TRAPPC9: variants seen among roughly 807,000 people sequenced by gnomAD.
The protein encoded by TRAPPC9 is IKK2 binding protein.
TRAPPC9 carries 83 observed loss-of-function variants against 124.0 expected under a neutral mutation model. The ratio of observed to expected loss-of-function variants is 0.67; its 90% CI spans 0.56 to 0.80. The LOEUF (loss-of-function observed/expected upper bound fraction) is 0.80. TRAPPC9 is among the 30% of genes least tolerant of loss of function. TRAPPC9 has a pLI of 0.00. For missense variants in TRAPPC9, 1,302 were observed against 1,508.3 expected, an observed-to-expected ratio of 0.86 and a Z score of 2.27; for synonymous variants, 638 against 617.5, an observed-to-expected ratio of 1.03 and a Z score of -0.49.
rs569052624 is a variant in TRAPPC9 at position 139,732,342 on chromosome 8, T to C, written c.3056-140A>G. ...ACCCACTCCCTGCCAGGCTGGACAC[T>C]GGGGACACAGATGTGTGACCAGTTC... On this transcript the variant is annotated intron_variant, in intron 21 of 22. Transcript: ENST00000438773. The C allele has an allele frequency of 1.4e-5, 11 of 780,338 alleles. No individual in the cohort carries two copies. The East Asian group carries it at 2.4e-4, about 17-fold the overall frequency. 48.3% of individuals were successfully genotyped at this position (780,338 alleles called of 1,614,324 possible).
In TRAPPC9 at chr8:139,944,458, A is replaced by G. The variant is rs1834090912; in HGVS notation, c.2811-34158T>C. 1.3e-5 allele frequency among the ~76,000 whole-genome samples: 2 copies of G among 152,236 alleles called. 1 individual carries two copies. Among genetic ancestry groups the G allele is most frequent in the South Asian group, 4.1e-4 (2 of 4,834 alleles). ...AGCTTCAATGACAGGGCTTAGACAC[A>G]GGAACCGATGTGGTTGCAAATATTC... On this transcript the variant is annotated intron_variant, in intron 19 of 22. Transcript: ENST00000438773.
intron 17 of TRAPPC9, among the ~76,000 whole-genome samples, chr8:140,115,215 T>TAGG (rs1463835450): frequency 1.3e-5 from 2 of 152,128 alleles, no homozygotes; most frequent in Non-Finnish European, 2.9e-5. Context: ...AAATCAGGTC[T>TAGG]AGGTTACTTA....
At chr8:140,114,660 G>C (rs1326973829) in intron 17 of TRAPPC9, among the ~76,000 whole-genome samples, 1 of 152,194 alleles carries the variant, frequency 6.6e-6, no homozygotes, top group Non-Finnish European at 1.5e-5. Flanking sequence ...TAAAGACAAA[G>C]AAGGAGGAAA....
At chr8:140,438,684 CTTTTT>C (rs896677905) in intron 3 of TRAPPC9, among the ~76,000 whole-genome samples, 2 of 151,980 alleles carry the variant, frequency 1.3e-5, no homozygotes, top group African/African-American at 4.8e-5. Flanking sequence ...CCTCTCATTT[CTTTTT>C]TTATTTTATT....
At chr8:139,749,598 G>A (rs1017167036) in intron 21 of TRAPPC9, among the ~76,000 whole-genome samples, 6 of 152,156 alleles carry the variant, frequency 3.9e-5, no homozygotes, top group African/African-American at 1.4e-4. Context: ...CACAGCCCAG[G>A]GCTGACCCCT....
intron 17 of TRAPPC9, among the ~76,000 whole-genome samples, chr8:140,197,826 G>A (rs559953120): frequency 1.2e-4 from 19 of 152,290 alleles, no homozygotes; most frequent in African/African-American, 4.6e-4. Flanking sequence ...CAGGGAAGGT[G>A]GTCTTTGGGG....
intron 17 of TRAPPC9, among the ~76,000 whole-genome samples, chr8:140,115,846 G>T (rs924013668): frequency 6.6e-6 from 1 of 152,150 alleles, no homozygotes; most frequent in African/African-American, 2.4e-5. Context: ...CTCCTTCCAA[G>T]GGCCAGTAAT....
intron 21 of TRAPPC9, among the ~76,000 whole-genome samples, chr8:139,762,990 C>T (rs1281531643): frequency 6.6e-6 from 1 of 152,228 alleles, no homozygotes; most frequent in African/African-American, 2.4e-5. Context: ...GCAGCCGGGG[C>T]AGGGCCAGTG....
chr8:140,357,773 G>A (rs1485676584), intron 9 of TRAPPC9, among the ~76,000 whole-genome samples: 2 of 152,238 alleles, frequency 1.3e-5, no homozygotes, highest in Non-Finnish European at 2.9e-5. Flanking sequence ...ACGCCGGAGT[G>A]CAAATGGGCC....
chr8:139,972,396 T>C (rs1836161509), intron 19 of TRAPPC9, among the ~76,000 whole-genome samples: 1 of 152,150 alleles, frequency 6.6e-6, no homozygotes, highest in African/African-American at 2.4e-5. Context: ...TAGATTAAAA[T>C]TAAGATGATG....
chr8:140,247,118 A>C (rs2064006673), intron 16 of TRAPPC9, among the ~76,000 whole-genome samples: 1 of 152,238 alleles, frequency 6.6e-6, no homozygotes. Context: ...GGTCTTAGCT[A>C]TACAAGCAAC....
intron 21 of TRAPPC9, among the ~76,000 whole-genome samples, chr8:139,804,425 G>A (rs369160969): frequency 1.2e-3 from 64 of 51,450 alleles, no homozygotes; most frequent in African/African-American, 4.5e-3. Context: ...ACCCACCACC[G>A]CCACCAAGCA....
At chr8:140,142,493 G>A (rs2061397781) in intron 17 of TRAPPC9, among the ~76,000 whole-genome samples, 1 of 152,180 alleles carries the variant, frequency 6.6e-6, no homozygotes. Context: ...CTGCTCACTG[G>A]GAAGGCTGCT....
intron 7 of TRAPPC9, among the ~76,000 whole-genome samples, chr8:140,386,463 CAA>C (rs2068757877): frequency 6.6e-6 from 1 of 152,202 alleles, no homozygotes; most frequent in African/African-American, 2.4e-5. Context: ...GCAACTTCAG[CAA>C]AGTCTCAGGA....
At chr8:140,119,805 C>A (rs1006203252) in intron 17 of TRAPPC9, among the ~76,000 whole-genome samples, 4 of 152,184 alleles carry the variant, frequency 2.6e-5, no homozygotes, top group African/African-American at 9.7e-5. Context: ...TCTATTAAAA[C>A]CTTCAAAGTT....
intron 19 of TRAPPC9, among the ~76,000 whole-genome samples, chr8:139,917,736 G>A (rs1314489155): frequency 2.0e-5 from 3 of 152,230 alleles, no homozygotes; most frequent in Non-Finnish European, 4.4e-5. Flanking sequence ...CCACAGAGAT[G>A]GCAAATGGGA....
At chr8:140,103,066 A>T (rs947278859) in intron 17 of TRAPPC9, among the ~76,000 whole-genome samples, 1 of 152,152 alleles carries the variant, frequency 6.6e-6, no homozygotes, top group African/African-American at 2.4e-5. Context: ...AGGAGCATGA[A>T]AGACCTGCCG....
chr8:139,974,018 G>T (rs1334171472), intron 19 of TRAPPC9, among the ~76,000 whole-genome samples: 1 of 152,160 alleles, frequency 6.6e-6, no homozygotes, highest in African/African-American at 2.4e-5. Flanking sequence ...CGGCCTGACG[G>T]CTCCATGGTC....
chr8:139,946,201 G>A (rs1179681267), intron 19 of TRAPPC9, among the ~76,000 whole-genome samples: 1 of 152,138 alleles, frequency 6.6e-6, no homozygotes, highest in Non-Finnish European at 1.5e-5. Flanking sequence ...AGACCCTCCT[G>A]GTGTGGTCAA....
Sources: allele counts gnomAD v4.1 joint callset (sites outside exome capture counted in the v4.1 genomes callset), GRCh38; gene constraint gnomAD v4.1.1; transcripts MANE v1.5; gene names NCBI Gene and HGNC (gene_info 2026-07-23, HGNC 2026-07-21).